Variants in SMARCC1 observed in about 807,000 individuals in gnomAD.
SMARCC1 encodes SWI/SNF complex subunit SMARCC1.
SMARCC1 carries 43 observed loss-of-function variants against 147.4 expected under a neutral mutation model. That is an observed-to-expected ratio of 0.29 (90% CI 0.23 to 0.38). The LOEUF (loss-of-function observed/expected upper bound fraction) is 0.38, where lower values mean the gene tolerates loss of function less well. Among genes scored for constraint, SMARCC1 ranks in the 10% least tolerant of loss-of-function variants. SMARCC1 has a pLI of 1.00. For synonymous variants in SMARCC1, 495 were observed against 484.4 expected (o/e 1.02, Z -0.29); for missense variants, 1,119 against 1,381.1 (o/e 0.81, Z 3.01).
rs373378309 is a variant in SMARCC1 at position 47,588,279 on chromosome 3, G to A, written c.3248C>T (p.Pro1083Leu). ...GACCCCATCTGCAGGTGGTGGTGGC[G>A]GTGGCTGCTGCTGTGGTGGAGGGGG... is the stretch of plus-strand genomic sequence containing the variant. ...MYPPPPQQQP[P>L]PPPPADGVPP... is the part of the protein sequence containing the mutation. Residue 1083 changes from proline to leucine, a missense_variant, in exon 28 of 28, where the codon CCG becomes CTG. By Grantham distance (98) the Pro-to-Leu change is moderately conservative. Transcript: ENST00000254480. 354 of 1,613,944 alleles carry A rather than the reference G, an allele frequency of 2.2e-4. 2 individuals are homozygous for A. The highest frequency in any genetic ancestry group is 8.6e-4 in the South Asian group (78 of 91,058).
rs767803126 is a variant in SMARCC1 at position 47,781,593 on chromosome 3, G to A, written c.195+10C>T. The A allele has an allele frequency of 2.6e-6, 4 of 1,513,448 alleles. No individual in the cohort carries two copies. The African/African-American group carries it at 4.3e-5, about 16-fold the overall frequency. The allele number at this position is 1,513,448 out of a possible 1,614,324, so 93.8% of individuals were successfully genotyped here. The stretch of plus-strand genomic sequence containing the variant: ...GTGGTCTCCCGGCCCCCACGGGCGC[G>A]CGAACCCACCTTCTTGTAGTGCTTG... On this transcript the variant is annotated intron_variant, in intron 1 of 27. Coordinates refer to ENST00000254480, the MANE Select transcript of SMARCC1 (RefSeq NM_003074.4).
intron 1 of SMARCC1, among the ~76,000 whole-genome samples, chr3:47,777,641 C>A (rs2034991273): frequency 6.6e-6 from 1 of 151,932 alleles, no homozygotes; most frequent in Non-Finnish European, 1.5e-5. Context: ...GATTCTCCTG[C>A]CTCAGTCTCC....
At chr3:47,648,620 C>T (rs1252529118) in intron 21 of SMARCC1, among the ~76,000 whole-genome samples, 2 of 151,934 alleles carry the variant, frequency 1.3e-5, no homozygotes, top group Non-Finnish European at 2.9e-5. Flanking sequence ...TCTCAGACTC[C>T]TTAGCCCAAA....
intron 11 of SMARCC1, among the ~76,000 whole-genome samples, chr3:47,696,234 C>T (rs533243041): frequency 2.8e-4 from 42 of 151,696 alleles, no homozygotes; most frequent in African/African-American, 1.0e-3. Flanking sequence ...ATTAGCCAGG[C>T]GTGGTGGCGG....
intron 26 of SMARCC1, among the ~76,000 whole-genome samples, chr3:47,594,271 C>A (rs2032232156): frequency 1.3e-5 from 2 of 152,124 alleles, no homozygotes; most frequent in Admixed American, 6.5e-5. Flanking sequence ...GAATTTTGGG[C>A]CCTGTGGCCC....
chr3:47,652,963 T>G (rs1296220867), intron 21 of SMARCC1, among the ~76,000 whole-genome samples: 2 of 150,154 alleles, frequency 1.3e-5, no homozygotes, highest in Non-Finnish European at 3.0e-5. Context: ...TTTTTTTTTT[T>G]TTTTGAGACG....
intron 21 of SMARCC1, among the ~76,000 whole-genome samples, chr3:47,659,771 G>GGGC (rs1553680844): frequency 1.1e-5 from 1 of 90,062 alleles, no homozygotes; most frequent in Non-Finnish European, 2.2e-5. Context: ...GGGGGGGGGG[G>GGGC]CAAGAATCTG....
rs116651776 is a variant in SMARCC1 at position 47,674,772 on chromosome 3, G to T, written c.1839+703C>A. Among the ~76,000 whole-genome samples, 700 of 151,842 alleles carry T rather than the reference G, an allele frequency of 4.6e-3. 6 individuals carry two copies. Among genetic ancestry groups the T allele is most frequent in the African/African-American group, 0.016 (653 of 41,412 alleles). The stretch of plus-strand genomic sequence containing the variant: ...TCTGTCTTTCTTGTTTTGTGAGTTG[G>T]TATCTTTTTATTTGTTCTGAAGTCT... On this transcript the variant is annotated intron_variant, in intron 18 of 27. Transcript: ENST00000254480.
intron 2 of SMARCC1, among the ~76,000 whole-genome samples, chr3:47,771,800 G>T (rs2034917312): frequency 6.6e-6 from 1 of 151,892 alleles, no homozygotes; most frequent in Admixed American, 6.6e-5. Flanking sequence ...TAAAAATAAA[G>T]GCTGGGTGTG....
chr3:47,599,699 G>C (rs944675912), intron 26 of SMARCC1, among the ~76,000 whole-genome samples: 1 of 152,196 alleles, frequency 6.6e-6, no homozygotes, highest in Admixed American at 6.5e-5. Context: ...CAGAGACGAC[G>C]TGATGCAAAC....
chr3:47,650,487 T>A (rs1383881375), intron 21 of SMARCC1, among the ~76,000 whole-genome samples: 1 of 151,842 alleles, frequency 6.6e-6, no homozygotes, highest in East Asian at 1.9e-4. Context: ...TGTAAAAAAA[T>A]ATCTACCTGT....
intron 2 of SMARCC1, among the ~76,000 whole-genome samples, chr3:47,746,817 G>A (rs1030224620): frequency 8.9e-5 from 13 of 146,426 alleles, no homozygotes; most frequent in Admixed American, 1.4e-4. Context: ...TGCAACCTAC[G>A]CCTCCCAGGT....
In SMARCC1 at chr3:47,585,638, G is replaced by A. The variant is rs2032060089; in HGVS notation, c.*2571C>T. 6.6e-6 allele frequency: 1 copy of A among 152,170 alleles called. No individual in the cohort carries two copies. Among genetic ancestry groups the A allele is most frequent in the Non-Finnish European group, 1.5e-5 (1 of 68,048 alleles). 9.4% of individuals were successfully genotyped at this position (152,170 alleles called of 1,614,324 possible). The stretch of plus-strand genomic sequence containing the variant: ...CAAGCAAAGCTATTTCTCACACCTG[G>A]AGGTGCCAGGATGTTGGCCATCATT... On this transcript the variant is annotated 3_prime_UTR_variant, in exon 28 of 28. Transcript: ENST00000254480.
chr3:47,667,247 G>A (rs1049357397), intron 19 of SMARCC1, among the ~76,000 whole-genome samples: 4 of 151,994 alleles, frequency 2.6e-5, no homozygotes, highest in Non-Finnish European at 5.9e-5. Context: ...GAACCCGGGA[G>A]GCGGAGCTTG....
chr3:47,774,003 G>T (rs928057791), intron 1 of SMARCC1, among the ~76,000 whole-genome samples: 3 of 152,000 alleles, frequency 2.0e-5, no homozygotes, highest in African/African-American at 7.3e-5. Context: ...TTGGACGAGA[G>T]AATTTTTATT....
chr3:47,689,383 T>C lies in SMARCC1; in HGVS notation c.1263+4A>G. 6.2e-7 allele frequency: 1 copy of C among 1,611,374 alleles called. No individual in the cohort carries two copies. The highest frequency in any genetic ancestry group is 8.5e-7 in the Non-Finnish European group (1 of 1,177,496). On this transcript the variant is annotated splice_donor_region_variant and intron_variant, in intron 13 of 27. Transcript: ENST00000254480. ...TCTCACACCAGGCTTAACTGAATTG[T>C]TACCTTTCCTCCTGCTGTGACTGTT...
At position 47,738,113 on chromosome 3, in the gene SMARCC1, A is replaced by T. The variant is rs745449216; in HGVS notation, c.402-3T>A. ...GGTTCTGTAGGTCAAACCTCCGCCT[A>T]AAAAAAAAGAAAAACCCTAGTTAAT... is the stretch of plus-strand genomic sequence containing the variant. On this transcript the variant is annotated splice_region_variant and splice_polypyrimidine_tract_variant and intron_variant, in intron 3 of 27. Transcript: ENST00000254480. 1 of 1,406,362 alleles carries T rather than the reference A, an allele frequency of 7.1e-7. No individual in the cohort carries two copies. The highest frequency in any genetic ancestry group is 1.5e-5 in the South Asian group (1 of 68,302). 87.1% of individuals were successfully genotyped at this position (1,406,362 alleles called of 1,614,324 possible). A position where few individuals can be genotyped will look rare whatever the true frequency, so the allele number is the denominator to read the frequency against.
intron 21 of SMARCC1, among the ~76,000 whole-genome samples, chr3:47,650,573 TGA>T (rs1260074655): frequency 6.6e-6 from 1 of 152,170 alleles, no homozygotes; most frequent in East Asian, 1.9e-4. Flanking sequence ...CCCAGCACTT[TGA>T]GAGGCCAAGG....
intron 5 of SMARCC1, among the ~76,000 whole-genome samples, chr3:47,733,894 C>CGT (rs1339258941): frequency 4.0e-4 from 59 of 147,892 alleles, no homozygotes; most frequent in South Asian, 2.5e-3. Flanking sequence ...TATATATACA[C>CGT]GTATATATAT....
Sources: allele counts gnomAD v4.1 joint callset (sites outside exome capture counted in the v4.1 genomes callset), GRCh38; gene constraint gnomAD v4.1.1; transcripts MANE v1.5; gene names NCBI Gene and HGNC (gene_info 2026-07-23, HGNC 2026-07-21).